The following RFPL2 variants were observed in gnomAD, a reference collection of about 807,000 sequenced individuals.
RFPL2 encodes the protein ret finger protein-like 2.
In RFPL2, 13 loss-of-function variants were observed where a neutral mutation model predicts 17.8. That is an observed-to-expected ratio of 0.73 (90% CI 0.47 to 1.16). The LOEUF (loss-of-function observed/expected upper bound fraction) is 1.16. Ranked by LOEUF, RFPL2 falls within the 50% of genes most tolerant of loss-of-function variation. The pLI is 0.00. For synonymous variants in RFPL2, 189 were observed against 180.9 expected (o/e 1.04, Z -0.36); for missense variants, 431 against 479.3 (o/e 0.90, Z 0.94).
At chr22:32,193,242 C>G in intron 3 of RFPL2, 50 bp from the exon 4 acceptor site, 3 of 1,613,814 alleles carry the variant, frequency 1.9e-6, no homozygotes, top group Non-Finnish European at 2.5e-6. Flanking sequence ...GAGGTGAAAG[C>G]CTGTTAGTTG....
At position 32,191,058 on chromosome 22, in the gene RFPL2, C is replaced by G. The variant is rs1326057258; in HGVS notation, c.851G>C (p.Gly284Ala). 1.2e-6 allele frequency: 2 copies of G among 1,613,982 alleles called. No individual in the cohort carries two copies. Among genetic ancestry groups the G allele is most frequent in the Non-Finnish European group, 1.7e-6 (2 of 1,179,868 alleles). The change falls in exon 5 of 5, where the codon GGA becomes GCA. Residue 284 changes from glycine (G) to alanine (A), a missense_variant. By Grantham distance (60) the Gly-to-Ala change is moderately conservative (BLOSUM62 0). Coordinates refer to ENST00000652607, the MANE Select transcript of RFPL2 (RefSeq NM_001394555.1). ...LGFWTVSLRD[G>A]GRLSATTVPL... ...CACCGTGGTGGCAGAGAGGCGGCCT[C>G]CATCCCTCAAACTCACAGTCCAGAA...
chr22:32,197,783 A>G (rs1923504778), intron 2 of RFPL2, among the ~76,000 whole-genome samples: 2 of 152,152 alleles, frequency 1.3e-5, no homozygotes, highest in African/African-American at 4.8e-5. Flanking sequence ...CATATGTACC[A>G]CATTTTCTTA....
rs1922469927 is a variant in RFPL2, at chr22:32,190,642, G to A, written c.*130C>T. ...CTATAATCTAATCAAATTAGATTAAGTACAATCAAGAAATGTCCCATATTT... is the reference window on the plus strand; with the variant it reads ...CTATAATCTAATCAAATTAGATTAAATACAATCAAGAAATGTCCCATATTT... On this transcript the variant is annotated 3_prime_UTR_variant, in exon 5 of 5. Coordinates refer to ENST00000652607, the MANE Select transcript of RFPL2 (RefSeq NM_001394555.1). 1.1e-6 allele frequency: 1 copy of A among 920,894 alleles called. No homozygotes were observed. The allele number at this position is 920,894 out of a possible 1,614,324, so 57.0% of individuals were successfully genotyped here. A position where few individuals can be genotyped will look rare whatever the true frequency, so the allele number is the denominator to read the frequency against.
chr22:32,192,138 C>G lies in RFPL2; in HGVS notation c.556+764G>C, dbSNP rs1603200805. Among the ~76,000 whole-genome samples the G allele has an allele frequency of 2.0e-5, 3 of 152,164 alleles. No homozygotes were observed. In the South Asian group the frequency reaches 6.2e-4, roughly 32 times the overall value. On this transcript the variant is annotated intron_variant, in intron 4 of 4. Transcript: ENST00000652607. ...TGTCCTCCATATTTCAGCAGAGAGA[C>G]AGTCAGTTTTGGGTAGGTGGAAGAG...
At position 32,193,892 on chromosome 22, in the gene RFPL2, G is replaced by A. The variant is rs1207791378; in HGVS notation, c.265+453C>T. ...AAAAAAAAAAAAAAAAAAAAGAGGG[G>A]CTGGATGCAGTAGCTCACATCTGTA... is the stretch of plus-strand genomic sequence containing the variant. On this transcript the variant is annotated intron_variant, in intron 3 of 4. Transcript: ENST00000652607. Among the ~76,000 whole-genome samples the A allele has an allele frequency of 2.7e-5, 4 of 149,812 alleles. No homozygotes were observed. In the East Asian group the frequency reaches 5.8e-4, roughly 22 times the overall value.
At chr22:32,197,570 A>G (rs1212633760) in intron 2 of RFPL2, among the ~76,000 whole-genome samples, 1 of 151,808 alleles carries the variant, frequency 6.6e-6, no homozygotes, top group African/African-American at 2.4e-5. Flanking sequence ...CCCCCATCCC[A>G]CGACAGGCCC....
At chr22:32,203,008 C>G in intron 1 of RFPL2, 2 of 985,918 alleles carry the variant, frequency 2.0e-6, no homozygotes, top group Non-Finnish European at 2.4e-6. Context: ...TGTGCGCCCG[C>G]CGCACTTGAG....
At chr22:32,200,406 T>A (rs901218785) in intron 2 of RFPL2, among the ~76,000 whole-genome samples, 2 of 152,002 alleles carry the variant, frequency 1.3e-5, no homozygotes, top group African/African-American at 2.4e-5. Context: ...TTAGCTAACA[T>A]ATAATTTGAC....
At chr22:32,193,470 G>C in intron 3 of RFPL2, 1 of 1,442,060 alleles carries the variant, frequency 6.9e-7, no homozygotes, top group East Asian at 2.5e-5. Flanking sequence ...GCCTGAGCCA[G>C]TGACATGGCA....
chr22:32,191,024 A>C lies in RFPL2; in HGVS notation c.885T>G (p.Thr295=), dbSNP rs1338873245. The C allele has an allele frequency of 6.2e-7, 1 of 1,613,874 alleles. No homozygotes were observed. Among genetic ancestry groups the C allele is most frequent in the Admixed American group, 1.7e-5 (1 of 60,000 alleles). The change falls in exon 5 of 5, where the codon ACT becomes ACG. Residue 295 remains threonine (T), a synonymous_variant. Transcript: ENST00000652607. ...GRLSATTVPL[T]FLFVDRKLQR... The stretch of plus-strand genomic sequence containing the variant: ...GTAACTTGCGGTCTACGAAGAGGAA[A>C]GTCAGCGGCACCGTGGTGGCAGAGA...
In RFPL2 at chr22:32,202,357, T is replaced by C; in HGVS notation, c.95A>G (p.Asp32Gly). The C allele has an allele frequency of 6.2e-7, 1 of 1,603,582 alleles. No individual in the cohort carries two copies. The highest frequency in any genetic ancestry group is 8.5e-7 in the Non-Finnish European group (1 of 1,175,090). The change falls in exon 2 of 5, where the codon GAC becomes GGC. Residue 32 changes from aspartate (D) to glycine (G), a missense_variant. Asp to Gly is a moderately conservative substitution (Grantham distance 94). Coordinates refer to ENST00000652607, the MANE Select transcript of RFPL2 (RefSeq NM_001394555.1). ...AVLCGHWDFA[D>G]MMVIRSLSLI... ...CCTCAGGCTCCTTATCACCATCATG[T>C]CTGCAAAGTCCCAGTGGCCACACAA...
intron 1 of RFPL2, chr22:32,203,222 A>G (rs941081259): frequency 1.1e-4 from 45 of 396,210 alleles, no homozygotes; most frequent in Non-Finnish European, 1.5e-4. Flanking sequence ...TAACTCCCCA[A>G]ACCCGCTCTG....
At position 32,190,799 on chromosome 22, in the gene RFPL2, A is replaced by G; in HGVS notation, c.1110T>C (p.Ala370=). The G allele has an allele frequency of 6.5e-7, 1 of 1,533,680 alleles. No homozygotes were observed. Among genetic ancestry groups the G allele is most frequent in the East Asian group, 2.3e-5 (1 of 44,188 alleles). ...CPLMNSGTTD[A]PVRPGEAK ...ATTTGGCCTCCCCAGGACGGACTGG[A>G]GCATCAGTAGTGCCTGAGTTCATCA... is the stretch of plus-strand genomic sequence containing the variant. Residue 370 remains alanine, a synonymous_variant, in exon 5 of 5, where the codon GCT becomes GCC. Coordinates refer to ENST00000652607, the MANE Select transcript of RFPL2 (RefSeq NM_001394555.1).
intron 2 of RFPL2, among the ~76,000 whole-genome samples, chr22:32,196,416 A>G (rs1009994259): frequency 2.6e-5 from 4 of 152,348 alleles, no homozygotes; most frequent in East Asian, 1.9e-4. Flanking sequence ...CAGTGGGATG[A>G]GATCACTCCT....
intron 4 of RFPL2, 26 bp from the exon 5 acceptor site, chr22:32,191,378 A>C (rs375970133): frequency 1.3e-6 from 2 of 1,592,742 alleles, no homozygotes; most frequent in Non-Finnish European, 1.7e-6. Flanking sequence ...AAAGTTGCTC[A>C]GCAAATGGAC....
intron 3 of RFPL2, 147 bp downstream of exon 3, chr22:32,194,198 G>T: frequency 1.2e-6 from 1 of 850,194 alleles, no homozygotes; most frequent in Non-Finnish European, 1.8e-6. Context: ...TGGGGATCCA[G>T]GGTGACTGGT....
intron 3 of RFPL2, chr22:32,193,600 G>T: frequency 1.2e-6 from 1 of 833,680 alleles, no homozygotes; most frequent in Non-Finnish European, 1.6e-6. Flanking sequence ...GATGGCTCAT[G>T]CCTGTCCAGC....
At position 32,193,132 on chromosome 22, in the gene RFPL2, T is replaced by C; in HGVS notation, c.326A>G (p.Glu109Gly). 2 of 1,613,942 alleles carry C rather than the reference T, an allele frequency of 1.2e-6. No individual in the cohort carries two copies. Among genetic ancestry groups the C allele is most frequent in the Non-Finnish European group, 1.7e-6 (2 of 1,179,852 alleles). Reference protein sequence around the residue: ...SSCPVCSDYLEKPMSLECGCA... With the variant: ...SSCPVCSDYLGKPMSLECGCA... ...TCCACACTCCAGGGACATTGGTTTT[T>C]CCAGATAGTCTGAGCAGACGGGACA... is the stretch of plus-strand genomic sequence containing the variant. Residue 109 changes from glutamate to glycine, a missense_variant, in exon 4 of 5, where the codon GAA (glutamate) becomes GGA (glycine). Glu to Gly is a moderately conservative substitution (Grantham distance 98, BLOSUM62 -2). Transcript: ENST00000652607.
Position 32,193,778 on chromosome 22 carries a change from A to G in RFPL2, c.265+567T>C, listed in dbSNP as rs5994486. 8.1e-4 allele frequency among the ~76,000 whole-genome samples: 122 copies of G among 150,470 alleles called. 2 individuals are homozygous for G. Among genetic ancestry groups the G allele is most frequent in the African/African-American group, 2.5e-3 (101 of 40,754 alleles). ...CTTGGGAGGCTGAGGCAGGAGAATC[A>G]CTTGAACCTGGGAGGCAGAGGTTGC... On this transcript the variant is annotated intron_variant, in intron 3 of 4. Coordinates refer to ENST00000652607, the MANE Select transcript of RFPL2 (RefSeq NM_001394555.1).
Sources: gnomAD v4.1 joint callset for allele counts (sites outside exome capture counted in the v4.1 genomes callset) on GRCh38, gnomAD v4.1.1 for gene constraint, MANE v1.5 for transcripts, NCBI Gene and HGNC (gene_info 2026-07-23, HGNC 2026-07-21) for gene names.